Variants in PHACTR1 observed in about 807,000 individuals in gnomAD.
PHACTR1 encodes RPEL repeat containing 1.
PHACTR1 carries 16 observed loss-of-function variants against 69.2 expected under a neutral mutation model. The observed-to-expected ratio is 0.23, with a 90% CI of 0.16 to 0.35. The LOEUF (loss-of-function observed/expected upper bound fraction) is 0.35, where lower values mean the gene tolerates loss of function less well. Among genes scored for constraint, PHACTR1 ranks in the 10% least tolerant of loss-of-function variants. The probability of loss-of-function intolerance (pLI) is 1.00; values close to 1 mark genes in which losing one functional copy is unlikely to be tolerated. For synonymous variants in PHACTR1, 312 were observed against 284.5 expected, an observed-to-expected ratio of 1.10 and a Z score of -0.97; for missense variants, 510 against 734.7, an observed-to-expected ratio of 0.69 and a Z score of 3.54.
intron 4 of PHACTR1, among the ~76,000 whole-genome samples, chr6:12,826,592 A>T (rs950685349): frequency 6.6e-6 from 1 of 152,172 alleles, no homozygotes; most frequent in Non-Finnish European, 1.5e-5. Context: ...TGACATTGTT[A>T]TAGGGTGTCC....
At chr6:13,051,132 A>G (rs962186474) in intron 4 of PHACTR1, among the ~76,000 whole-genome samples, 7 of 152,096 alleles carry the variant, frequency 4.6e-5, no homozygotes, top group African/African-American at 1.2e-4. Context: ...CATTCTACCC[A>G]AAGTACTCTT....
In PHACTR1 at chr6:12,980,220, G is replaced by A. The variant is rs192651208; in HGVS notation, c.251-73145G>A. ...AGAAAAAGAAGCATGGAGTATGTGTGTATGTATGTGTGTGTACGTGTGCAT... is the reference window on the plus strand; with the variant it reads ...AGAAAAAGAAGCATGGAGTATGTGTATATGTATGTGTGTGTACGTGTGCAT... On this transcript the variant is annotated intron_variant, in intron 4 of 14. Transcript: ENST00000332995. 2.0e-5 allele frequency among the ~76,000 whole-genome samples: 3 copies of A among 152,284 alleles called. No homozygotes were observed. In the East Asian group the frequency reaches 5.8e-4, roughly 29 times the overall value.
At chr6:12,995,984 C>A (rs1797371052) in intron 4 of PHACTR1, among the ~76,000 whole-genome samples, 2 of 151,972 alleles carry the variant, frequency 1.3e-5, no homozygotes, top group Non-Finnish European at 2.9e-5. Context: ...GAAATTCGTA[C>A]ATCAAAAGTA....
intron 10 of PHACTR1, among the ~76,000 whole-genome samples, chr6:13,238,172 A>G (rs1488534047): frequency 1.3e-5 from 2 of 152,212 alleles, no homozygotes; most frequent in Non-Finnish European, 2.9e-5. Context: ...CTTAACACCC[A>G]CAGCCTGGGA....
intron 4 of PHACTR1, among the ~76,000 whole-genome samples, chr6:12,753,800 A>C (rs909806374): frequency 1.2e-4 from 18 of 152,074 alleles, no homozygotes; most frequent in African/African-American, 3.4e-4. Context: ...GTCTACAAAA[A>C]GAAGTTATAA....
chr6:13,213,866 G>A (rs147294345), intron 8 of PHACTR1, among the ~76,000 whole-genome samples: 162 of 152,250 alleles, frequency 1.1e-3, no homozygotes, highest in African/African-American at 3.7e-3. Flanking sequence ...ACCCAGTCTT[G>A]GGTATTTTAT....
intron 6 of PHACTR1, among the ~76,000 whole-genome samples, chr6:13,164,789 A>G (rs1014928096): frequency 2.0e-5 from 3 of 152,152 alleles, no homozygotes; most frequent in African/African-American, 7.2e-5. Flanking sequence ...AATTCTTTCC[A>G]TTTTCCTTCA....
intron 4 of PHACTR1, among the ~76,000 whole-genome samples, chr6:12,975,688 C>T (rs1328538505): frequency 2.0e-5 from 3 of 152,128 alleles, no homozygotes; most frequent in African/African-American, 7.2e-5. Flanking sequence ...CTCAAGCAAC[C>T]CTCCCACCCC....
intron 4 of PHACTR1, among the ~76,000 whole-genome samples, chr6:12,922,712 T>C (rs1787854429): frequency 6.6e-6 from 1 of 152,110 alleles, no homozygotes; most frequent in Non-Finnish European, 1.5e-5. Context: ...TAAGAAGGAG[T>C]ATGGAAGTAA....
intron 4 of PHACTR1, among the ~76,000 whole-genome samples, chr6:12,902,425 A>G (rs1047793487): frequency 9.9e-5 from 15 of 152,182 alleles, no homozygotes; most frequent in Non-Finnish European, 1.9e-4. Flanking sequence ...CCTGTCTCCA[A>G]AAATAAAGAA....
At chr6:13,088,629 C>T (rs1812704880) in intron 5 of PHACTR1, among the ~76,000 whole-genome samples, 2 of 152,248 alleles carry the variant, frequency 1.3e-5, no homozygotes, top group South Asian at 4.1e-4. Context: ...TCTCCAGAGC[C>T]CCCTAAACAC....
intron 4 of PHACTR1, among the ~76,000 whole-genome samples, chr6:13,018,487 T>C (rs1395275744): frequency 1.3e-5 from 2 of 152,140 alleles, no homozygotes; most frequent in Non-Finnish European, 2.9e-5. Context: ...GAGAAAGTGC[T>C]TGAGAAATAT....
At chr6:13,193,385 A>ATATATATATAT (rs1561971538) in intron 7 of PHACTR1, among the ~76,000 whole-genome samples, 3 of 136,510 alleles carry the variant, frequency 2.2e-5, no homozygotes, top group Non-Finnish European at 3.2e-5. Context: ...ATATATATAT[A>ATATATATATAT]GTTTTGGGGA....
In PHACTR1 at chr6:12,928,844, G is replaced by A. The variant is rs145927329; in HGVS notation, c.251-124521G>A. ...CAAAGGTGCTATGTTCATCCCCTAA[G>A]GCAGGACTAAAGAAAGGTAACACTG... On this transcript the variant is annotated intron_variant, in intron 4 of 14. Transcript: ENST00000332995. Among the ~76,000 whole-genome samples, 560 of 152,256 alleles carry A rather than the reference G, an allele frequency of 3.7e-3. 2 individuals are homozygous for A. The highest frequency in any genetic ancestry group is 0.013 in the African/African-American group (528 of 41,550).
At chr6:13,027,362 G>T (rs1280925494) in intron 4 of PHACTR1, among the ~76,000 whole-genome samples, 1 of 152,104 alleles carries the variant, frequency 6.6e-6, no homozygotes, top group Non-Finnish European at 1.5e-5. Context: ...CCAGTCCAAG[G>T]TGATAAGGCA....
At chr6:12,845,604 A>G (rs1397938297) in intron 4 of PHACTR1, among the ~76,000 whole-genome samples, 1 of 151,968 alleles carries the variant, frequency 6.6e-6, no homozygotes, top group East Asian at 1.9e-4. Flanking sequence ...GCATTTGTGT[A>G]AGGTTTACCA....
At position 12,746,172 on chromosome 6, in the gene PHACTR1, G is replaced by A. The variant is rs926995609; in HGVS notation, c.104-3472G>A. On this transcript the variant is annotated intron_variant, in intron 3 of 14. Coordinates refer to ENST00000332995, the MANE Select transcript of PHACTR1 (RefSeq NM_030948.6). ...AAAAAGAGAATAGAAAAAATTAGATGAAAGACAAAGAAAGTAAATCACAGA... is the reference window on the plus strand; with the variant it reads ...AAAAAGAGAATAGAAAAAATTAGATAAAAGACAAAGAAAGTAAATCACAGA... Among the ~76,000 whole-genome samples, 24 of 152,246 alleles carry A rather than the reference G, an allele frequency of 1.6e-4. 1 individual carries two copies. The highest frequency in any genetic ancestry group is 1.2e-3 in the Admixed American group (19 of 15,298).
intron 4 of PHACTR1, among the ~76,000 whole-genome samples, chr6:12,861,974 G>A (rs1248182790): frequency 2.0e-5 from 3 of 152,140 alleles, no homozygotes; most frequent in Non-Finnish European, 2.9e-5. Context: ...GTGTGTGTGT[G>A]TATCATAAAA....
chr6:12,973,722 A>G (rs1794505508), intron 4 of PHACTR1, among the ~76,000 whole-genome samples: 1 of 152,150 alleles, frequency 6.6e-6, no homozygotes, highest in Admixed American at 6.6e-5. Context: ...CCAACAGAAG[A>G]GGAACAAAAC....
Sources: gnomAD v4.1 joint callset for allele counts (sites outside exome capture counted in the v4.1 genomes callset) on GRCh38, gnomAD v4.1.1 for gene constraint, MANE v1.5 for transcripts, NCBI Gene and HGNC (gene_info 2026-07-23, HGNC 2026-07-21) for gene names.